The following CSTL1 variants were observed in gnomAD, a reference collection of about 807,000 sequenced individuals.
CSTL1 encodes cystatin-like 1.
CSTL1 carries 14 observed loss-of-function variants against 14.4 expected under a neutral mutation model. The ratio of observed to expected loss-of-function variants is 0.97; its 90% CI spans 0.64 to 1.52. CSTL1 has a LOEUF of 1.52. Ranked by LOEUF, CSTL1 falls within the 40% of genes most tolerant of loss-of-function variation. The probability of loss-of-function intolerance (pLI) is 0.00; values close to 1 mark genes in which losing one functional copy is unlikely to be tolerated. For missense variants in CSTL1, 170 were observed against 168.7 expected, an observed-to-expected ratio of 1.01 and a Z score of -0.04; for synonymous variants, 72 against 67.5, an observed-to-expected ratio of 1.07 and a Z score of -0.33.
Position 23,440,480 on chromosome 20 carries a change from G to C in CSTL1, c.213G>C (p.Gln71His), listed in dbSNP as rs1282542894. The C allele has an allele frequency of 6.2e-7, 1 of 1,612,076 alleles. No homozygotes were observed. The highest frequency in any genetic ancestry group is 1.1e-5 in the South Asian group (1 of 91,020). ...GAGTCCAGAGGCTAATTCGAAGTCA[G>C]ATGCAGGTTTGTACCTTGCTCTCCC... ...LYRVQRLIRS[Q>H]MQLTTGVEYI... The change falls in exon 2 of 4, where the codon CAG (glutamine) becomes CAC (histidine). Residue 71 changes from glutamine (Q) to histidine (H), a missense_variant. By Grantham distance (24) the Gln-to-His change is conservative. Transcript: ENST00000347397.
chr20:23,457,087 G>A, the CSTL1 span, among the ~76,000 whole-genome samples: 1 of 152,192 alleles, frequency 6.6e-6, no homozygotes, highest in Admixed American at 6.5e-5. Context: ...GCAGCACAGA[G>A]GCTCTCCCTT....
At chr20:23,444,523 G>C (rs1315062249) in intron 3 of CSTL1, among the ~76,000 whole-genome samples, 1 of 152,170 alleles carries the variant, frequency 6.6e-6, no homozygotes, top group Non-Finnish European at 1.5e-5. Context: ...ACATGACAGG[G>C]TCCGGCCAGG....
chr20:23,441,151 C>T (rs1242125202), intron 2 of CSTL1, among the ~76,000 whole-genome samples: 1 of 152,210 alleles, frequency 6.6e-6, no homozygotes. Flanking sequence ...TTAAAGTTCT[C>T]ATTTGGCAAA....
At chr20:23,459,918 C>T in the CSTL1 span, among the ~76,000 whole-genome samples, 1 of 152,216 alleles carries the variant, frequency 6.6e-6, no homozygotes, top group African/African-American at 2.4e-5. Context: ...TCTCCCTGCA[C>T]AATACAGCTA....
chr20:23,440,755 TC>T, intron 2 of CSTL1: 5 of 428,498 alleles, frequency 1.2e-5, no homozygotes, highest in Non-Finnish European at 2.1e-5. Context: ...AGGATTAAAC[TC>T]TTTTTTTTTT....
chr20:23,454,421 T>C, the CSTL1 span, among the ~76,000 whole-genome samples: 29 of 151,404 alleles, frequency 1.9e-4, no homozygotes, highest in Non-Finnish European at 1.8e-4. Context: ...CACGCATACA[T>C]ACCCACACTC....
chr20:23,447,585 G>T (rs776928705), downstream of CSTL1, among the ~76,000 whole-genome samples: 1 of 151,574 alleles, frequency 6.6e-6, no homozygotes, highest in Non-Finnish European at 1.5e-5. Flanking sequence ...AGCCTCCCAA[G>T]TAGCTGGGAT....
downstream of CSTL1, among the ~76,000 whole-genome samples, chr20:23,445,539 G>A (rs1044051538): frequency 5.3e-5 from 8 of 152,130 alleles, no homozygotes; most frequent in Admixed American, 1.3e-4. Context: ...GATTATAGGC[G>A]TGAGCTACCG....
At position 23,440,150 on chromosome 20, in the gene CSTL1, C is replaced by T; in HGVS notation, c.-118C>T. On this transcript the variant is annotated 5_prime_UTR_variant, in exon 2 of 4. Transcript: ENST00000347397. ...AATCTCTGTTTAAATGCAGGCAGGCCATCCCCCAGGAAAGCCTATGTTGGT... is the reference window on the plus strand; with the variant it reads ...AATCTCTGTTTAAATGCAGGCAGGCTATCCCCCAGGAAAGCCTATGTTGGT... The T allele has an allele frequency of 2.1e-6, 2 of 961,318 alleles. No homozygotes were observed. The highest frequency in any genetic ancestry group is 1.5e-5 in the South Asian group (1 of 64,896). 59.5% of individuals were successfully genotyped at this position (961,318 alleles called of 1,614,324 possible). A position where few individuals can be genotyped will look rare whatever the true frequency, so the allele number is the denominator to read the frequency against.
the CSTL1 span, among the ~76,000 whole-genome samples, chr20:23,460,631 G>T: frequency 6.6e-6 from 1 of 152,018 alleles, no homozygotes; most frequent in East Asian, 1.9e-4. Flanking sequence ...TGATTTTGGG[G>T]GTTCAAAATT....
At chr20:23,440,866 C>T (rs1823355104) in intron 2 of CSTL1, 1 of 337,360 alleles carries the variant, frequency 3.0e-6, no homozygotes, top group South Asian at 2.3e-5. Context: ...AAGTGATTCT[C>T]CTGCCTCAGC....
chr20:23,455,672 G>A, the CSTL1 span, among the ~76,000 whole-genome samples: 2 of 152,228 alleles, frequency 1.3e-5, no homozygotes, highest in Non-Finnish European at 2.9e-5. Flanking sequence ...TTGTGTCAGT[G>A]CAAACATGCC....
At chr20:23,441,225 T>G (rs1986823982) in intron 2 of CSTL1, among the ~76,000 whole-genome samples, 2 of 152,186 alleles carry the variant, frequency 1.3e-5, no homozygotes, top group Non-Finnish European at 2.9e-5. Flanking sequence ...GTTGTAAAAT[T>G]CAAAACTGGG....
chr20:23,446,595 G>C (rs1012663668), downstream of CSTL1, among the ~76,000 whole-genome samples: 3 of 152,186 alleles, frequency 2.0e-5, no homozygotes, highest in Non-Finnish European at 4.4e-5. Flanking sequence ...CAGGCGGGCC[G>C]TGCGAACTCA....
downstream of CSTL1, among the ~76,000 whole-genome samples, chr20:23,449,135 C>A (rs547121669): frequency 6.6e-6 from 1 of 152,300 alleles, no homozygotes; most frequent in Admixed American, 6.5e-5. Context: ...GCTCACAGTT[C>A]ACACATGCAG....
the CSTL1 span, among the ~76,000 whole-genome samples, chr20:23,461,195 AT>A: frequency 1.3e-5 from 2 of 152,142 alleles, no homozygotes; most frequent in African/African-American, 4.8e-5. Context: ...GCAGTAAATC[AT>A]TTTTAATTAA....
chr20:23,453,290 C>G, the CSTL1 span, among the ~76,000 whole-genome samples: 1 of 152,078 alleles, frequency 6.6e-6, no homozygotes, highest in Non-Finnish European at 1.5e-5. Flanking sequence ...GAGACGAGTT[C>G]TGGAAAATCC....
chr20:23,451,973 G>A, the CSTL1 span: 1 of 1,417,552 alleles, frequency 7.1e-7, no homozygotes, highest in Non-Finnish European at 9.9e-7. Flanking sequence ...TCCCCTGTCT[G>A]CGGTTTCTGT....
At chr20:23,447,467 C>CTTTTTT (rs34114094), downstream of CSTL1, among the ~76,000 whole-genome samples, 21 of 136,784 alleles carry the variant, frequency 1.5e-4, no homozygotes, top group Non-Finnish European at 2.4e-4. Context: ...TTTTCTTTTT[C>CTTTTTT]TTTTTTTTTT....
Sources: allele counts gnomAD v4.1 joint callset (sites outside exome capture counted in the v4.1 genomes callset), GRCh38; gene constraint gnomAD v4.1.1; transcripts MANE v1.5; gene names NCBI Gene and HGNC (gene_info 2026-07-23, HGNC 2026-07-21).